The following HPSE variants were observed in gnomAD, a reference collection of about 807,000 sequenced individuals.
HPSE encodes endo-glucoronidase.
A neutral mutation model predicts 65.1 loss-of-function variants in HPSE; 48 were observed. That is an observed-to-expected ratio of 0.74 (90% CI 0.58 to 0.94). The LOEUF (loss-of-function observed/expected upper bound fraction) is 0.94. HPSE is among the 40% of genes least tolerant of loss of function. The probability of loss-of-function intolerance (pLI) is 0.00; values close to 1 mark genes in which losing one functional copy is unlikely to be tolerated. For synonymous variants in HPSE, 243 were observed against 260.0 expected (o/e 0.93, Z 0.63); for missense variants, 644 against 637.5 (o/e 1.01, Z -0.11).
At chr4:83,328,003 G>C (rs1737215069) in intron 1 of HPSE, among the ~76,000 whole-genome samples, 1 of 152,008 alleles carries the variant, frequency 6.6e-6, no homozygotes, top group African/African-American at 2.4e-5. Flanking sequence ...AGACAAACTA[G>C]AGAGAGAGAG....
intron 1 of HPSE, among the ~76,000 whole-genome samples, chr4:83,332,425 T>C (rs938369007): frequency 2.6e-5 from 4 of 152,246 alleles, no homozygotes; most frequent in Non-Finnish European, 4.4e-5. Context: ...GTATGGCAGA[T>C]GGCCTCTCCA....
Position 83,307,548 on chromosome 4 carries a change from A to T in HPSE, c.1092-1231T>A, listed in dbSNP as rs113846703. On this transcript the variant is annotated intron_variant, in intron 8 of 11. Coordinates refer to ENST00000311412, the MANE Select transcript of HPSE (RefSeq NM_001098540.3). ...ACCTCTATAGACAATTCCTGGTCCT[A>T]TGAGGTCCCTGCACAAACAATGTGT... 7.9e-5 allele frequency among the ~76,000 whole-genome samples: 12 copies of T among 152,284 alleles called. 1 individual carries two copies. The highest frequency in any genetic ancestry group is 2.6e-4 in the African/African-American group (11 of 41,570).
chr4:83,308,008 G>A (rs1166510911), intron 8 of HPSE, among the ~76,000 whole-genome samples: 1 of 151,928 alleles, frequency 6.6e-6, no homozygotes, highest in Non-Finnish European at 1.5e-5. Context: ...CATACTTTAG[G>A]CTCTAAACTT....
chr4:83,304,431 T>C (rs1450126940), intron 9 of HPSE, among the ~76,000 whole-genome samples: 1 of 152,224 alleles, frequency 6.6e-6, no homozygotes, highest in Non-Finnish European at 1.5e-5. Flanking sequence ...CAAAGTGGCA[T>C]ATTTTGGGGT....
intron 1 of HPSE, 143 bp downstream of exon 1, chr4:83,334,413 G>A: frequency 2.2e-6 from 2 of 906,050 alleles, no homozygotes; most frequent in Admixed American, 2.9e-5. Context: ...GAGAATGAGA[G>A]GCGGGAAGTG....
At chr4:83,310,494 C>A (rs757891984) in intron 5 of HPSE, among the ~76,000 whole-genome samples, 6 of 151,898 alleles carry the variant, frequency 4.0e-5, no homozygotes, top group Non-Finnish European at 7.4e-5. Flanking sequence ...CACAGGGAGA[C>A]CCCATCTCTA....
At chr4:83,334,965 C>A (rs1039531878), upstream of HPSE, 81 of 946,806 alleles carry the variant, frequency 8.6e-5, 1 homozygote, top group Non-Finnish European at 1.2e-4. Context: ...TCCCACTGCT[C>A]CCAATCCAAC....
chr4:83,319,438 A>G lies in HPSE; in HGVS notation c.405T>C (p.Asp135=), dbSNP rs151317358. ...ATTCCAACCGTAACTTCTCCTCCAC[A>G]TCAGGAGGGATGGATCCATATTTGC... ...DICKYGSIPP[D]VEEKLRLEWP... The change falls in exon 3 of 12, where the codon GAT becomes GAC. Residue 135 remains aspartate (D), a synonymous_variant. Transcript: ENST00000311412. 6.2e-7 allele frequency: 1 copy of G among 1,613,746 alleles called. No individual in the cohort carries two copies. The highest frequency in any genetic ancestry group is 1.7e-5 in the Admixed American group (1 of 60,014).
chr4:83,295,552 C>G lies in HPSE; in HGVS notation c.1473-49G>C, dbSNP rs763934869. On this transcript the variant is annotated intron_variant, in intron 11 of 11. Coordinates refer to ENST00000311412, the MANE Select transcript of HPSE (RefSeq NM_001098540.3). ...AGTTAACCAAGTGGTGCATGCCCCACCCATGCTGCTACAAAAGTCATGAAA... is the reference window on the plus strand; with the variant it reads ...AGTTAACCAAGTGGTGCATGCCCCAGCCATGCTGCTACAAAAGTCATGAAA... The G allele has an allele frequency of 6.5e-6, 9 of 1,392,874 alleles. No homozygotes were observed. The South Asian group carries it at 1.5e-4, about 24-fold the overall frequency. The allele number at this position is 1,392,874 out of a possible 1,614,324, so 86.3% of individuals were successfully genotyped here.
intron 4 of HPSE, 143 bp downstream of exon 4, chr4:83,312,971 G>A: frequency 4.4e-6 from 2 of 450,008 alleles, no homozygotes; most frequent in South Asian, 4.8e-5. Context: ...CAAGTGAGCC[G>A]AGGTGGCGCC....
chr4:83,313,372 TTC>T (rs1328181299), intron 3 of HPSE, 85 bp from the exon 4 acceptor site: 4 of 815,984 alleles, frequency 4.9e-6, no homozygotes, highest in Non-Finnish European at 7.5e-6. Context: ...GAATAACTAT[TTC>T]TGTTGTTAAA....
intron 11 of HPSE, among the ~76,000 whole-genome samples, chr4:83,296,438 C>T (rs1735724687): frequency 6.6e-6 from 1 of 152,134 alleles, no homozygotes; most frequent in South Asian, 2.1e-4. Flanking sequence ...CTTTGGGAGG[C>T]TGAGGCAGGC....
chr4:83,329,086 A>G (rs1401419073), intron 1 of HPSE, among the ~76,000 whole-genome samples: 1 of 152,150 alleles, frequency 6.6e-6, no homozygotes, highest in East Asian at 1.9e-4. Flanking sequence ...TGTGAAAGGC[A>G]GAGAAATGGA....
upstream of HPSE, chr4:83,335,112 G>C (rs1202068231): frequency 7.4e-6 from 2 of 268,490 alleles, no homozygotes; most frequent in Non-Finnish European, 1.4e-5. Context: ...GGGAGGCCTG[G>C]GGAGGAGCGC....
intron 3 of HPSE, among the ~76,000 whole-genome samples, chr4:83,315,467 C>A (rs930254829): frequency 1.3e-5 from 2 of 152,144 alleles, no homozygotes; most frequent in Non-Finnish European, 2.9e-5. Context: ...AAGTCTTTGC[C>A]CAATATCACG....
Position 83,322,277 on chromosome 4 carries a change from A to T in HPSE, c.315T>A (p.Asp105Glu). 6.2e-7 allele frequency: 1 copy of T among 1,613,962 alleles called. No homozygotes were observed. The highest frequency in any genetic ancestry group is 8.5e-7 in the Non-Finnish European group (1 of 1,179,884). The stretch of plus-strand genomic sequence containing the variant: ...CTTCAAAGGTTGATTCCTTCTTGGG[A>T]TCGAAAATTAGGAAGTCTGTCTTGG... ...GGTKTDFLIF[D>E]PKKESTFEER... The change falls in exon 2 of 12, where the codon GAT becomes GAA. Residue 105 changes from aspartate to glutamate, a missense_variant. By Grantham distance (45) the Asp-to-Glu change is conservative. Transcript: ENST00000311412.
At position 83,313,171 on chromosome 4, in the gene HPSE, A is replaced by G. The variant is rs1578015022; in HGVS notation, c.616T>C (p.Leu206=). 1 of 1,614,056 alleles carries G rather than the reference A, an allele frequency of 6.2e-7. No homozygotes were observed. Residue 206 remains leucine (L), a synonymous_variant, in exon 4 of 12, where the codon TTG becomes CTG. Coordinates refer to ENST00000311412, the MANE Select transcript of HPSE (RefSeq NM_001098540.3). Reference sequence around the variant, plus strand: ...TTGGAAGAGCAGTAGTCCAGGAGCAACTGAGCATTAGAACTGTTCCACTGC... The same window carrying G: ...TTGGAAGAGCAGTAGTCCAGGAGCAGCTGAGCATTAGAACTGTTCCACTGC... ...DLQWNSSNAQ[L]LLDYCSSKGY...
At chr4:83,319,268 T>C (rs1736777247) in intron 3 of HPSE, 76 bp downstream of exon 3, 3 of 1,445,784 alleles carry the variant, frequency 2.1e-6, no homozygotes, top group Non-Finnish European at 2.9e-6. Flanking sequence ...TAGGACTTGC[T>C]AGATTGGTGC....
chr4:83,332,169 AC>A (rs1328649933), intron 1 of HPSE, among the ~76,000 whole-genome samples: 1 of 152,124 alleles, frequency 6.6e-6, no homozygotes, highest in Non-Finnish European at 1.5e-5. Flanking sequence ...ACACATCTTC[AC>A]TTTTGAGGAA....
Sources: gnomAD v4.1 joint callset for allele counts (sites outside exome capture counted in the v4.1 genomes callset) on GRCh38, gnomAD v4.1.1 for gene constraint, MANE v1.5 for transcripts, NCBI Gene and HGNC (gene_info 2026-07-23, HGNC 2026-07-21) for gene names.